Variants in TUSC3 observed in about 807,000 individuals in gnomAD.
The protein encoded by TUSC3 is tumor suppressor candidate 3, also known as dolichyl-diphosphooligosaccharide--protein glycosyltransferase subunit TUSC3.
TUSC3 carries 45 observed loss-of-function variants against 44.8 expected under a neutral mutation model. The ratio of observed to expected loss-of-function variants is 1.00; its 90% confidence interval spans 0.79 to 1.29. TUSC3 has a LOEUF of 1.29. Among genes scored for constraint, TUSC3 ranks in the 50% most tolerant of loss-of-function variants. The probability of loss-of-function intolerance (pLI) is 0.00; values close to 1 mark genes in which losing one functional copy is unlikely to be tolerated. For missense variants in TUSC3, 519 were observed against 437.9 expected (o/e 1.19, Z -1.65); for synonymous variants, 212 against 152.9 (o/e 1.39, Z -2.85).
At chr8:15,774,413 A>G in the TUSC3 span, among the ~76,000 whole-genome samples, 30,856 of 152,078 alleles carry the variant, frequency 0.2, 3,607 homozygotes, top group Non-Finnish European at 0.27. Context: ...GGACAGATAC[A>G]GGGAGAAAAC....
At chr8:15,437,531 T>C (rs1799964576) in intron 1 of TUSC3, among the ~76,000 whole-genome samples, 1 of 152,240 alleles carries the variant, frequency 6.6e-6, no homozygotes, top group Admixed American at 6.5e-5. Context: ...TTTAACTTTC[T>C]CTTGTACTAT....
chr8:15,729,943 TGAG>T (rs1810649678), intron 6 of TUSC3, among the ~76,000 whole-genome samples: 1 of 152,152 alleles, frequency 6.6e-6, no homozygotes, highest in South Asian at 2.1e-4. Context: ...ATGTAAAAGT[TGAG>T]GCATTGATTT....
chr8:15,619,846 ATTATAT>A (rs1022703820), intron 1 of TUSC3, among the ~76,000 whole-genome samples: 6 of 152,124 alleles, frequency 3.9e-5, no homozygotes, highest in African/African-American at 1.4e-4. Context: ...TATAGGACAG[ATTATAT>A]TTATGAATAG....
chr8:15,419,116 C>A (rs969308180), intron 1 of TUSC3, among the ~76,000 whole-genome samples: 2 of 152,284 alleles, frequency 1.3e-5, no homozygotes, highest in Non-Finnish European at 1.5e-5. Context: ...ACCCCTTTGA[C>A]CTTGCTGTGT....
chr8:15,425,153 T>C (rs540566523), intron 1 of TUSC3, among the ~76,000 whole-genome samples: 2 of 152,312 alleles, frequency 1.3e-5, no homozygotes, highest in East Asian at 3.9e-4. Flanking sequence ...GGTAATGTCT[T>C]GCAAGCAAGG....
chr8:15,779,629 G>A, the TUSC3 span, among the ~76,000 whole-genome samples: 2 of 152,144 alleles, frequency 1.3e-5, no homozygotes, highest in Non-Finnish European at 2.9e-5. Flanking sequence ...ACTGAAAAGA[G>A]GAAGAGTAAA....
chr8:15,579,050 T>C (rs1313870812), intron 1 of TUSC3, among the ~76,000 whole-genome samples: 3 of 151,808 alleles, frequency 2.0e-5, no homozygotes, highest in African/African-American at 7.2e-5. Flanking sequence ...CTTGGGAGAG[T>C]GTATGTGTTG....
intron 5 of TUSC3, among the ~76,000 whole-genome samples, chr8:15,664,759 C>A (rs1807582195): frequency 6.7e-6 from 1 of 149,224 alleles, no homozygotes; most frequent in African/African-American, 2.4e-5. Context: ...TTGGCAACTC[C>A]TTAAATCATT....
chr8:15,485,557 CA>C (rs1357427956), intron 2 of TUSC3, among the ~76,000 whole-genome samples: 2 of 148,870 alleles, frequency 1.3e-5, no homozygotes, highest in African/African-American at 5.0e-5. Flanking sequence ...ATTGGGCCTA[CA>C]AACACGAGCT....
intron 2 of TUSC3, among the ~76,000 whole-genome samples, chr8:15,504,936 T>C (rs575423608): frequency 2.0e-4 from 30 of 151,950 alleles, no homozygotes; most frequent in Non-Finnish European, 3.7e-4. Flanking sequence ...ACAGGCAATT[T>C]TGCGTCTTTC....
chr8:15,544,745 C>T (rs1290548972), intron 1 of TUSC3, among the ~76,000 whole-genome samples: 1 of 151,638 alleles, frequency 6.6e-6, no homozygotes, highest in African/African-American at 2.4e-5. Flanking sequence ...AAAAAGTTTG[C>T]AGTGATAACA....
chr8:15,454,814 T>G (rs766713), intron 1 of TUSC3, among the ~76,000 whole-genome samples: 14,971 of 152,254 alleles, frequency 0.098, 1,015 homozygotes, highest in Non-Finnish European at 0.15. Flanking sequence ...AATCAATGAT[T>G]TATATAAACA....
In TUSC3 at chr8:15,454,372, G is replaced by A. The variant is rs372983189; in HGVS notation, n.92-29014G>A. ...TGAATTCTTTCCTTTGAGGAGGCAA[G>A]CATCGAGGTTGCTGCAGAAGTGTAT... On this transcript the variant is annotated intron_variant and non_coding_transcript_variant, in intron 1 of 5. Transcript: ENST00000503191. Among the ~76,000 whole-genome samples, 82 of 152,292 alleles carry A rather than the reference G, an allele frequency of 5.4e-4. 2 individuals carry two copies. The South Asian group carries it at 0.016, about 29-fold the overall frequency.
In TUSC3 at chr8:15,420,216, G is replaced by T. The variant is rs191465563; in HGVS notation, n.91+2911G>T. 2.6e-5 allele frequency among the ~76,000 whole-genome samples: 4 copies of T among 152,146 alleles called. No homozygotes were observed. The East Asian group carries it at 7.8e-4, about 29-fold the overall frequency. On this transcript the variant is annotated intron_variant and non_coding_transcript_variant, in intron 1 of 5. Transcript: ENST00000503191. Reference sequence around the variant, plus strand: ...TCACATTAAATAAGAGTTCTATGTGGCCAGGTACGATGGTTCATGCCTGTA... The same window carrying T: ...TCACATTAAATAAGAGTTCTATGTGTCCAGGTACGATGGTTCATGCCTGTA...
chr8:15,848,978 G>C, the TUSC3 span, among the ~76,000 whole-genome samples: 4 of 152,126 alleles, frequency 2.6e-5, no homozygotes, highest in African/African-American at 9.7e-5. Flanking sequence ...TTTACAGGCA[G>C]AAATTCTGAC....
At chr8:15,515,833 A>T (rs1338339814) in intron 2 of TUSC3, among the ~76,000 whole-genome samples, 2 of 150,034 alleles carry the variant, frequency 1.3e-5, no homozygotes, top group Non-Finnish European at 3.0e-5. Context: ...ACACCCGGCT[A>T]TTTTTTTTTG....
intron 6 of TUSC3, among the ~76,000 whole-genome samples, chr8:15,675,732 C>T (rs1585217940): frequency 6.6e-6 from 1 of 152,046 alleles, no homozygotes; most frequent in African/African-American, 2.4e-5. Flanking sequence ...GGATAATGGC[C>T]TCCAGCTGCA....
chr8:15,588,299 C>T (rs1179593499), intron 1 of TUSC3, among the ~76,000 whole-genome samples: 3 of 151,862 alleles, frequency 2.0e-5, no homozygotes, highest in Non-Finnish European at 4.4e-5. Context: ...TTTGCTTTTC[C>T]CTGATGATCA....
At chr8:15,509,088 G>C (rs1801098153) in intron 2 of TUSC3, among the ~76,000 whole-genome samples, 1 of 152,090 alleles carries the variant, frequency 6.6e-6, no homozygotes, top group Non-Finnish European at 1.5e-5. Context: ...AGAAGCTGAG[G>C]GGGAGAGAGA....
Sources: gnomAD v4.1 joint callset for allele counts (sites outside exome capture counted in the v4.1 genomes callset) on GRCh38, gnomAD v4.1.1 for gene constraint, MANE v1.5 for transcripts, NCBI Gene and HGNC (gene_info 2026-07-23, HGNC 2026-07-21) for gene names.